RARB: variants seen among roughly 807,000 people sequenced by gnomAD.
The protein encoded by RARB is retinoic acid receptor beta.
Under a neutral mutation model 51.9 loss-of-function variants are expected in RARB, and 17 were observed. The observed-to-expected ratio is 0.33, with a 90% CI of 0.22 to 0.49. The LOEUF is 0.49. Ranked by LOEUF, RARB falls within the 20% of genes least tolerant of loss-of-function variation. The pLI is 0.99. For missense variants in RARB, 369 were observed against 550.8 expected, an observed-to-expected ratio of 0.67 and a Z score of 3.30; for synonymous variants, 215 against 195.4, an observed-to-expected ratio of 1.10 and a Z score of -0.84.
intron 2 of RARB, among the ~76,000 whole-genome samples, chr3:24,861,527 C>T (rs1385753564): frequency 3.4e-5 from 5 of 147,882 alleles, no homozygotes; most frequent in African/African-American, 5.0e-5. Flanking sequence ...ATATTAGGAA[C>T]TAAGAGAATG....
At chr3:25,386,552 T>C (rs1706799710) in intron 5 of RARB, among the ~76,000 whole-genome samples, 1 of 151,866 alleles carries the variant, frequency 6.6e-6, no homozygotes. Context: ...CATTCAGGCA[T>C]GAGATGAAAG....
chr3:24,849,053 C>T (rs562818145), intron 1 of RARB, among the ~76,000 whole-genome samples: 1 of 152,186 alleles, frequency 6.6e-6, no homozygotes, highest in African/African-American at 2.4e-5. Context: ...GGGATACTTT[C>T]CAAGGCCCCC....
intron 4 of RARB, among the ~76,000 whole-genome samples, chr3:25,170,202 AT>A (rs757795795): frequency 2.1e-4 from 32 of 152,114 alleles, no homozygotes; most frequent in Non-Finnish European, 3.1e-4. Context: ...TCATTTATGG[AT>A]TCTCTGTGGC....
intron 5 of RARB, among the ~76,000 whole-genome samples, chr3:25,381,314 G>A (rs1575357669): frequency 6.6e-6 from 1 of 152,298 alleles, no homozygotes; most frequent in South Asian, 2.1e-4. Flanking sequence ...GAAAAGAAAG[G>A]GGGTTGAAGG....
chr3:25,143,505 G>C (rs986619231), intron 4 of RARB, among the ~76,000 whole-genome samples: 2 of 152,118 alleles, frequency 1.3e-5, no homozygotes, highest in African/African-American at 4.8e-5. Context: ...CATTCCAAAG[G>C]TGTGTGTCAC....
At chr3:24,968,592 T>C (rs560059948) in intron 2 of RARB, among the ~76,000 whole-genome samples, 3 of 152,256 alleles carry the variant, frequency 2.0e-5, no homozygotes, top group South Asian at 4.1e-4. Context: ...TAGTCCCTTA[T>C]GGTCTCACTC....
intron 5 of RARB, among the ~76,000 whole-genome samples, chr3:25,416,705 T>TA (rs1246727153): frequency 6.6e-5 from 10 of 152,252 alleles, no homozygotes; most frequent in Non-Finnish European, 1.3e-4. Context: ...AACTTTATTT[T>TA]ACAACAAGTG....
At chr3:25,022,641 A>G (rs1169562178) in intron 2 of RARB, among the ~76,000 whole-genome samples, 1 of 152,194 alleles carries the variant, frequency 6.6e-6, no homozygotes, top group Non-Finnish European at 1.5e-5. Flanking sequence ...TCTGTTGAGT[A>G]TATAGCATCA....
chr3:25,420,632 C>G (rs868724001), intron 5 of RARB, among the ~76,000 whole-genome samples: 2 of 152,144 alleles, frequency 1.3e-5, no homozygotes, highest in South Asian at 4.1e-4. Flanking sequence ...CTCTCACTGC[C>G]TTATATATTG....
chr3:25,197,922 GA>G (rs1559501586), intron 5 of RARB, among the ~76,000 whole-genome samples: 1 of 151,914 alleles, frequency 6.6e-6, no homozygotes, highest in Admixed American at 6.6e-5. Flanking sequence ...CACAGAAATA[GA>G]AAAAATAATC....
At chr3:25,545,208 G>T (rs946993244) in intron 3 of RARB, among the ~76,000 whole-genome samples, 1 of 152,144 alleles carries the variant, frequency 6.6e-6, no homozygotes, top group Non-Finnish European at 1.5e-5. Flanking sequence ...GCCCCACAAA[G>T]CTGTGGGATT....
intron 5 of RARB, among the ~76,000 whole-genome samples, chr3:25,397,087 T>G (rs1707136111): frequency 6.6e-6 from 1 of 152,108 alleles, no homozygotes; most frequent in South Asian, 2.1e-4. Context: ...GAAGTTGAAA[T>G]TATTACAAAT....
At chr3:25,137,649 T>A (rs1700051839) in intron 4 of RARB, among the ~76,000 whole-genome samples, 1 of 152,134 alleles carries the variant, frequency 6.6e-6, no homozygotes, top group Admixed American at 6.6e-5. Flanking sequence ...CTAGTGGAAA[T>A]TAATATCTTA....
intron 2 of RARB, among the ~76,000 whole-genome samples, chr3:24,905,644 C>G (rs139637092): frequency 6.6e-6 from 1 of 152,322 alleles, no homozygotes; most frequent in African/African-American, 2.4e-5. Context: ...TTCTTTCCTT[C>G]TTCCCACCTG....
chr3:24,991,140 C>G (rs186716401), intron 2 of RARB, among the ~76,000 whole-genome samples: 37 of 152,228 alleles, frequency 2.4e-4, no homozygotes, highest in Admixed American at 2.1e-3. Context: ...AGATAATTAT[C>G]TGTTAAAAAG....
chr3:24,918,403 A>C (rs1459297687), intron 2 of RARB, among the ~76,000 whole-genome samples: 1 of 152,208 alleles, frequency 6.6e-6, no homozygotes, highest in Non-Finnish European at 1.5e-5. Flanking sequence ...CCTGGGAGAG[A>C]ACAGGAATTA....
At chr3:25,406,366 GGC>G (rs1310788432) in intron 5 of RARB, among the ~76,000 whole-genome samples, 1 of 152,158 alleles carries the variant, frequency 6.6e-6, no homozygotes, top group African/African-American at 2.4e-5. Flanking sequence ...CCACAGACTG[GGC>G]GGCTCAAACA....
At chr3:25,212,700 A>C (rs549781405) in intron 5 of RARB, among the ~76,000 whole-genome samples, 2 of 152,184 alleles carry the variant, frequency 1.3e-5, no homozygotes, top group African/African-American at 4.8e-5. Flanking sequence ...TATATCACCT[A>C]TCAAATTATC....
At chr3:25,077,635 C>T (rs1365025759) in intron 3 of RARB, among the ~76,000 whole-genome samples, 3 of 152,020 alleles carry the variant, frequency 2.0e-5, no homozygotes, top group East Asian at 3.9e-4. Flanking sequence ...AATAAAACTG[C>T]TATGAAGATT....
Sources: allele counts gnomAD v4.1 joint callset (sites outside exome capture counted in the v4.1 genomes callset), GRCh38; gene constraint gnomAD v4.1.1; transcripts MANE v1.5; gene names NCBI Gene and HGNC (gene_info 2026-07-23, HGNC 2026-07-21).